Variants in CCDC102B observed in about 807,000 individuals in gnomAD.
The protein encoded by CCDC102B is coiled-coil domain containing 102B.
A neutral mutation model predicts 57.4 loss-of-function variants in CCDC102B; 75 were observed. That is an observed-to-expected ratio of 1.31 (90% confidence interval 1.08 to 1.58). The LOEUF (loss-of-function observed/expected upper bound fraction) is 1.58, where lower values mean the gene tolerates loss of function less well. Ranked by LOEUF, CCDC102B falls within the 40% of genes most tolerant of loss-of-function variation. CCDC102B has a pLI of 0.00. For missense variants in CCDC102B, 636 were observed against 582.6 expected (o/e 1.09, Z -0.94); for synonymous variants, 206 against 201.9 (o/e 1.02, Z -0.17).
intron 6 of CCDC102B, among the ~76,000 whole-genome samples, chr18:68,998,710 A>C (rs2051105561): frequency 6.6e-6 from 1 of 151,764 alleles, no homozygotes; most frequent in African/African-American, 2.4e-5. Context: ...GGAAGCATCC[A>C]GCATGGGAGA....
At chr18:68,740,550 T>C (rs1284373712) in intron 2 of CCDC102B, among the ~76,000 whole-genome samples, 2 of 152,206 alleles carry the variant, frequency 1.3e-5, no homozygotes, top group Admixed American at 6.5e-5. Context: ...GATTGACATA[T>C]GATGGAATAG....
At chr18:68,816,511 G>T (rs1404725698) in intron 1 of CCDC102B, among the ~76,000 whole-genome samples, 1 of 112,234 alleles carries the variant, frequency 8.9e-6, no homozygotes, top group Admixed American at 8.7e-5. Context: ...TGTAGCCCAG[G>T]CTGGAGTGCA....
chr18:68,777,532 G>C (rs893893281), intron 2 of CCDC102B, among the ~76,000 whole-genome samples: 4 of 152,084 alleles, frequency 2.6e-5, no homozygotes, highest in African/African-American at 4.8e-5. Context: ...TTTCCTTACA[G>C]ATCAACAAAA....
intron 2 of CCDC102B, among the ~76,000 whole-genome samples, chr18:68,733,658 AATT>A: frequency 6.6e-6 from 1 of 152,088 alleles, no homozygotes; most frequent in Non-Finnish European, 1.5e-5. Context: ...CTCTATAGAT[AATT>A]AACTTTAGAT....
At chr18:68,738,589 T>C (rs2033246843) in intron 2 of CCDC102B, among the ~76,000 whole-genome samples, 1 of 152,194 alleles carries the variant, frequency 6.6e-6, no homozygotes, top group East Asian at 1.9e-4. Flanking sequence ...CTCTTGCCGT[T>C]GGACCCATGC....
intron 4 of CCDC102B, among the ~76,000 whole-genome samples, chr18:68,863,321 TG>T (rs2038841529): frequency 6.6e-6 from 1 of 151,990 alleles, no homozygotes; most frequent in South Asian, 2.1e-4. Context: ...CTCTATCCTC[TG>T]TGTCTCCTAC....
chr18:68,918,441 C>G (rs531576200), intron 6 of CCDC102B, among the ~76,000 whole-genome samples: 10 of 152,240 alleles, frequency 6.6e-5, no homozygotes, highest in African/African-American at 2.2e-4. Context: ...TTTGACTAAT[C>G]CAAACATTTA....
intron 2 of CCDC102B, among the ~76,000 whole-genome samples, chr18:68,781,084 A>G (rs374900238): frequency 3.0e-4 from 46 of 152,216 alleles, no homozygotes; most frequent in African/African-American, 9.9e-4. Flanking sequence ...TGTATGTATC[A>G]TCTGTAATTG....
chr18:68,840,348 A>G (rs757846507), intron 3 of CCDC102B, among the ~76,000 whole-genome samples: 3 of 152,166 alleles, frequency 2.0e-5, no homozygotes, highest in East Asian at 1.9e-4. Flanking sequence ...ATTCACAAAT[A>G]CAGTAAGTTC....
chr18:68,807,593 C>T (rs1161198969), intron 1 of CCDC102B, among the ~76,000 whole-genome samples: 1 of 152,092 alleles, frequency 6.6e-6, no homozygotes, highest in Admixed American at 6.6e-5. Flanking sequence ...TTGCACATGG[C>T]GTCCATTTTC....
chr18:69,010,880 C>A, intron 6 of CCDC102B, 54 bp from the exon 7 acceptor site: 1 of 1,306,656 alleles, frequency 7.7e-7, no homozygotes, highest in Non-Finnish European at 1.0e-6. Flanking sequence ...TGCCATTCTT[C>A]TGATTTTATC....
At chr18:68,800,857 T>C (rs894226547) in intron 1 of CCDC102B, among the ~76,000 whole-genome samples, 2 of 152,180 alleles carry the variant, frequency 1.3e-5, no homozygotes, top group African/African-American at 4.8e-5. Flanking sequence ...TAAAAAAGAA[T>C]AGAACTTATT....
At chr18:68,750,272 T>G (rs1198018537) in intron 2 of CCDC102B, among the ~76,000 whole-genome samples, 1 of 152,102 alleles carries the variant, frequency 6.6e-6, no homozygotes, top group African/African-American at 2.4e-5. Context: ...AGAATGGCGA[T>G]CATTAAAAAG....
chr18:68,928,619 C>T (rs569037485), intron 6 of CCDC102B, among the ~76,000 whole-genome samples: 74 of 151,546 alleles, frequency 4.9e-4, no homozygotes, highest in Non-Finnish European at 9.1e-4. Flanking sequence ...GGAAATAGGG[C>T]GAAGAACCCA....
intron 7 of CCDC102B, among the ~76,000 whole-genome samples, chr18:69,045,002 A>ATCGCCTTCTTGCTGAGACCTTGCC (rs2052524871): frequency 6.6e-6 from 1 of 151,976 alleles, no homozygotes; most frequent in Admixed American, 6.6e-5. Context: ...GAGACCTTGC[A>ATCGCCTTCTTGCTGAGACCTTGCC]TCACCTTTTC....
At chr18:68,751,386 G>C (rs962920050) in intron 2 of CCDC102B, among the ~76,000 whole-genome samples, 26 of 152,098 alleles carry the variant, frequency 1.7e-4, no homozygotes, top group African/African-American at 6.3e-4. Flanking sequence ...TTAACACACG[G>C]ATATTCACAG....
At chr18:68,728,966 C>T (rs899826239) in intron 2 of CCDC102B, among the ~76,000 whole-genome samples, 10 of 150,422 alleles carry the variant, frequency 6.6e-5, no homozygotes, top group African/African-American at 1.7e-4. Flanking sequence ...ATGTATTCTG[C>T]GGGAGTAAAT....
chr18:68,792,461 T>C (rs923102726), intron 2 of CCDC102B, among the ~76,000 whole-genome samples: 1 of 152,224 alleles, frequency 6.6e-6, no homozygotes, highest in Non-Finnish European at 1.5e-5. Context: ...AATGTTCATA[T>C]TTACAATATA....
intron 7 of CCDC102B, among the ~76,000 whole-genome samples, chr18:69,047,666 T>C (rs1482975355): frequency 1.3e-5 from 2 of 152,096 alleles, no homozygotes; most frequent in African/African-American, 4.8e-5. Flanking sequence ...AAAATCTCCT[T>C]GATCTGATAA....
Sources: allele counts gnomAD v4.1 joint callset (sites outside exome capture counted in the v4.1 genomes callset), GRCh38; gene constraint gnomAD v4.1.1; transcripts MANE v1.5; gene names NCBI Gene and HGNC (gene_info 2026-07-23, HGNC 2026-07-21).